The following UTRN variants were observed in gnomAD, a reference collection of about 807,000 sequenced individuals.
UTRN encodes utrophin, also known as dystrophin-related protein 1.
A neutral mutation model predicts 463.9 loss-of-function variants in UTRN; 283 were observed. The ratio of observed to expected loss-of-function variants is 0.61; its 90% confidence interval spans 0.55 to 0.67. The LOEUF (loss-of-function observed/expected upper bound fraction) is 0.67, where lower values mean the gene tolerates loss of function less well. Ranked by LOEUF, UTRN falls within the 30% of genes least tolerant of loss-of-function variation. The pLI, the probability that UTRN is intolerant of heterozygous loss-of-function variation, is 0.00. For missense variants in UTRN, 3,922 were observed against 4,084.3 expected (o/e 0.96, Z 1.08); for synonymous variants, 1,442 against 1,431.5 (o/e 1.01, Z -0.17).
intron 52 of UTRN, among the ~76,000 whole-genome samples, chr6:144,682,467 A>G (rs960622087): frequency 1.3e-5 from 2 of 152,332 alleles, no homozygotes; most frequent in Admixed American, 1.3e-4. Context: ...TTTCTGCGAT[A>G]TACTGATTTC....
At chr6:144,310,231 T>C (rs1806122226) in intron 2 of UTRN, among the ~76,000 whole-genome samples, 1 of 152,182 alleles carries the variant, frequency 6.6e-6, no homozygotes, top group African/African-American at 2.4e-5. Flanking sequence ...TGAAACCCCA[T>C]CTCTACAAAA....
chr6:144,790,163 T>C (rs1314339644), intron 62 of UTRN, among the ~76,000 whole-genome samples: 1 of 152,222 alleles, frequency 6.6e-6, no homozygotes, highest in Non-Finnish European at 1.5e-5. Context: ...GTTGAATAAA[T>C]GGTAGCAGTT....
intron 51 of UTRN, among the ~76,000 whole-genome samples, chr6:144,613,669 A>G (rs1805763695): frequency 6.6e-6 from 1 of 151,892 alleles, no homozygotes; most frequent in African/African-American, 2.4e-5. Flanking sequence ...GTTAAAAATG[A>G]CCTATATGCT....
chr6:144,317,101 A>C lies in UTRN; in HGVS notation c.79+25194A>C, dbSNP rs146877669. 3.5e-3 allele frequency among the ~76,000 whole-genome samples: 537 copies of C among 152,354 alleles called. 7 individuals are homozygous for C. Among genetic ancestry groups the C allele is most frequent in the African/African-American group, 0.011 (451 of 41,584 alleles). ...AAGAAAATGGTTAGTTTTAAGATTGACATAATTCATAAATTCTCACAAATA... is the reference window on the plus strand; with the variant it reads ...AAGAAAATGGTTAGTTTTAAGATTGCCATAATTCATAAATTCTCACAAATA... On this transcript the variant is annotated intron_variant, in intron 2 of 74. Transcript: ENST00000367545.
intron 73 of UTRN, among the ~76,000 whole-genome samples, chr6:144,844,564 C>T (rs535725658): frequency 3.7e-4 from 56 of 152,310 alleles, no homozygotes; most frequent in Admixed American, 6.5e-4. Context: ...CCACCACACC[C>T]GGCCCCAATA....
chr6:144,481,767 G>A (rs1415378684), intron 26 of UTRN, among the ~76,000 whole-genome samples: 3 of 152,194 alleles, frequency 2.0e-5, no homozygotes, highest in African/African-American at 4.8e-5. Context: ...TTTCAAAAAC[G>A]CTCAACTGGG....
rs563658430 is a variant in UTRN at position 144,629,280 on chromosome 6, G to T, written c.7480-49126G>T. On this transcript the variant is annotated intron_variant, in intron 51 of 74. Coordinates refer to ENST00000367545, the MANE Select transcript of UTRN (RefSeq NM_007124.3). ...TGTAGTAAAAAATCTAGTGTACTGC[G>T]TCCTAAATGACGCATCATGACCATA... Among the ~76,000 whole-genome samples, 4 of 151,682 alleles carry T rather than the reference G, an allele frequency of 2.6e-5. No homozygotes were observed. In the East Asian group the frequency reaches 7.8e-4, roughly 29 times the overall value.
chr6:144,537,819 T>A lies in UTRN; in HGVS notation c.6369+102T>A, dbSNP rs573507103. On this transcript the variant is annotated intron_variant, in intron 44 of 74. Coordinates refer to ENST00000367545, the MANE Select transcript of UTRN (RefSeq NM_007124.3). The stretch of plus-strand genomic sequence containing the variant: ...AGAAGAAAAGGGAAAAGAAACTTTG[T>A]ACTTTTTGGTAAATGTGGTGAACCT... 1,624 of 1,459,316 alleles carry A rather than the reference T, an allele frequency of 1.1e-3. 1 individual carries two copies. Among genetic ancestry groups the A allele is most frequent in the Non-Finnish European group, 1.4e-3 (1,568 of 1,087,830 alleles). 90.4% of individuals were successfully genotyped at this position (1,459,316 alleles called of 1,614,324 possible).
At chr6:144,515,103 C>T (rs1795502188) in intron 37 of UTRN, among the ~76,000 whole-genome samples, 1 of 152,088 alleles carries the variant, frequency 6.6e-6, no homozygotes, top group Non-Finnish European at 1.5e-5. Context: ...TAGGGTTTCA[C>T]CATCTTGGCC....
At chr6:144,310,630 G>A (rs1330670158) in intron 2 of UTRN, among the ~76,000 whole-genome samples, 16 of 149,866 alleles carry the variant, frequency 1.1e-4, no homozygotes, top group South Asian at 4.2e-4. Flanking sequence ...ATCACTGGGC[G>A]TGGCGGGGGG....
chr6:144,743,334 C>T (rs921964295), intron 54 of UTRN, among the ~76,000 whole-genome samples: 10 of 152,186 alleles, frequency 6.6e-5, no homozygotes, highest in Non-Finnish European at 1.2e-4. Context: ...TAACACTGGG[C>T]GAATTCTAAT....
At chr6:144,366,296 T>C (rs957297023) in intron 2 of UTRN, among the ~76,000 whole-genome samples, 4 of 152,200 alleles carry the variant, frequency 2.6e-5, no homozygotes, top group Non-Finnish European at 5.9e-5. Context: ...AGGTTTGTTA[T>C]AGAGGTAAAC....
intron 41 of UTRN, among the ~76,000 whole-genome samples, chr6:144,529,151 C>T (rs1017569143): frequency 2.0e-5 from 3 of 152,212 alleles, no homozygotes; most frequent in Non-Finnish European, 4.4e-5. Context: ...TTAGTCCTAT[C>T]AGGAACCCCT....
chr6:144,840,966 T>G, intron 73 of UTRN, 134 bp downstream of exon 73: 2 of 926,094 alleles, frequency 2.2e-6, no homozygotes, highest in Non-Finnish European at 1.6e-6. Flanking sequence ...TATTTGAAAA[T>G]AAGGCAAACA....
chr6:144,775,168 T>C (rs140429764), intron 60 of UTRN, among the ~76,000 whole-genome samples: 1 of 152,236 alleles, frequency 6.6e-6, no homozygotes, highest in African/African-American at 2.4e-5. Flanking sequence ...AGTTCAGTGA[T>C]GCTTTGAAAA....
intron 52 of UTRN, among the ~76,000 whole-genome samples, chr6:144,684,049 C>CTTTT (rs751258844): frequency 1.5e-5 from 2 of 137,290 alleles, no homozygotes; most frequent in African/African-American, 5.4e-5. Context: ...TGTCCCTTTA[C>CTTTT]TTTTTTTTTT....
chr6:144,567,061 C>T (rs1274088471), intron 50 of UTRN, among the ~76,000 whole-genome samples: 2 of 152,014 alleles, frequency 1.3e-5, no homozygotes, highest in African/African-American at 4.8e-5. Context: ...GTGGTAGGTT[C>T]GATTGAGCCT....
chr6:144,798,708 A>T (rs1348101179), intron 64 of UTRN, among the ~76,000 whole-genome samples: 1 of 152,154 alleles, frequency 6.6e-6, no homozygotes, highest in Non-Finnish European at 1.5e-5. Flanking sequence ...ACATAAGCCT[A>T]CTCAGTAGGG....
chr6:144,391,568 A>G, intron 2 of UTRN, among the ~76,000 whole-genome samples: 1 of 152,184 alleles, frequency 6.6e-6, no homozygotes, highest in Non-Finnish European at 1.5e-5. Flanking sequence ...TTCATTAAGC[A>G]ATCATTATTC....
Sources: allele counts gnomAD v4.1 joint callset (sites outside exome capture counted in the v4.1 genomes callset), GRCh38; gene constraint gnomAD v4.1.1; transcripts MANE v1.5; gene names NCBI Gene and HGNC (gene_info 2026-07-23, HGNC 2026-07-21).